Variants in EQTN observed in about 807,000 individuals in gnomAD.
EQTN encodes the protein equatorin.
In EQTN, 29 loss-of-function variants were observed where a neutral mutation model predicts 26.9. That is an observed-to-expected ratio of 1.08 (90% CI 0.80 to 1.47). The LOEUF is 1.47. EQTN is among the 40% of genes most tolerant of loss of function. The pLI is 0.00. For missense variants in EQTN, 391 were observed against 346.1 expected (o/e 1.13, Z -1.03); for synonymous variants, 129 against 120.0 (o/e 1.07, Z -0.49).
At chr9:27,293,466 A>G (rs533610974) in intron 3 of EQTN, among the ~76,000 whole-genome samples, 1 of 152,314 alleles carries the variant, frequency 6.6e-6, no homozygotes. Flanking sequence ...GAACGTCCCT[A>G]CCATGCCAGC....
At chr9:27,287,792 A>G (rs1186625657) in intron 6 of EQTN, among the ~76,000 whole-genome samples, 1 of 152,024 alleles carries the variant, frequency 6.6e-6, no homozygotes. Context: ...GGATCACTCA[A>G]TTTTCTTTTC....
At chr9:27,291,600 A>G (rs764788515) in intron 4 of EQTN, among the ~76,000 whole-genome samples, 3 of 152,210 alleles carry the variant, frequency 2.0e-5, no homozygotes, top group Non-Finnish European at 2.9e-5. Flanking sequence ...TTGTTTCGGA[A>G]TTGAATGCTT....
At chr9:27,290,607 A>G (rs1253865346) in intron 5 of EQTN, among the ~76,000 whole-genome samples, 21 of 152,256 alleles carry the variant, frequency 1.4e-4, no homozygotes, top group Admixed American at 1.4e-3. Context: ...AATACTATGT[A>G]CATCATGCTA....
chr9:27,289,825 G>C (rs1587112119), intron 5 of EQTN, 94 bp from the exon 6 acceptor site: 1 of 918,306 alleles, frequency 1.1e-6, no homozygotes, highest in Non-Finnish European at 1.7e-6. Flanking sequence ...AGTACCCAGT[G>C]TGTGTACAGT....
chr9:27,288,917 A>G (rs1233596082), intron 6 of EQTN, among the ~76,000 whole-genome samples: 2 of 152,168 alleles, frequency 1.3e-5, no homozygotes, highest in Non-Finnish European at 2.9e-5. Flanking sequence ...AAACTTTCGT[A>G]TGATACTGGG....
chr9:27,291,638 A>G (rs1408438194), intron 4 of EQTN, among the ~76,000 whole-genome samples: 1 of 152,218 alleles, frequency 6.6e-6, no homozygotes. Context: ...TTGACCTCAA[A>G]CTTAGTAGTA....
At position 27,284,912 on chromosome 9, in the gene EQTN, AAAGT is replaced by A; in HGVS notation, c.692_695del (p.Tyr231PhefsTer29). 6.2e-7 allele frequency: 1 copy of A among 1,614,164 alleles called. No homozygotes were observed. Among genetic ancestry groups the A allele is most frequent in the Non-Finnish European group, 8.5e-7 (1 of 1,180,008 alleles). On this transcript the variant is annotated frameshift_variant, in exon 8 of 8. Transcript: ENST00000380032. LOFTEE classifies it low-confidence loss of function (END_TRUNC). ...TATCTGAAACACCTTCTGATGGATG[AAAGT>A]AAGACATCGTGGCCAGCTCTGGGTT... is the stretch of plus-strand genomic sequence containing the variant.
At chr9:27,286,404 G>A in intron 6 of EQTN, 42 bp from the exon 7 acceptor site, 2 of 1,544,092 alleles carry the variant, frequency 1.3e-6, no homozygotes, top group Non-Finnish European at 1.8e-6. Flanking sequence ...GGTGTTCAGT[G>A]TGTTCTCCTG....
chr9:27,288,161 G>A (rs1255319885), intron 6 of EQTN, among the ~76,000 whole-genome samples: 7 of 152,110 alleles, frequency 4.6e-5, no homozygotes, highest in African/African-American at 1.4e-4. Context: ...GCACAAATGA[G>A]GGGACAGGTC....
At chr9:27,287,016 C>G (rs1442062480) in intron 6 of EQTN, among the ~76,000 whole-genome samples, 6 of 152,058 alleles carry the variant, frequency 3.9e-5, no homozygotes, top group Admixed American at 3.9e-4. Flanking sequence ...TATCAAGAGT[C>G]TTTTTTTAAC....
chr9:27,289,054 A>T (rs1271113052), intron 6 of EQTN, among the ~76,000 whole-genome samples: 1 of 152,236 alleles, frequency 6.6e-6, no homozygotes, highest in Non-Finnish European at 1.5e-5. Flanking sequence ...AAATTGTAAC[A>T]AAGGTACCAC....
chr9:27,295,697 T>C (rs1324032646), intron 2 of EQTN, among the ~76,000 whole-genome samples: 1 of 151,822 alleles, frequency 6.6e-6, no homozygotes, highest in African/African-American at 2.4e-5. Flanking sequence ...CCGGGCGTGG[T>C]GGCGGGCGCC....
chr9:27,290,893 A>G (rs1820220947), intron 5 of EQTN, 126 bp downstream of exon 5: 2 of 646,528 alleles, frequency 3.1e-6, no homozygotes, highest in Admixed American at 3.4e-5. Flanking sequence ...GAAGTTTGCT[A>G]TTACATGTGG....
At chr9:27,295,136 T>G (rs180712930) in intron 2 of EQTN, among the ~76,000 whole-genome samples, 1 of 152,226 alleles carries the variant, frequency 6.6e-6, no homozygotes, top group South Asian at 2.1e-4. Context: ...ATGAGAAGAA[T>G]GTACATGGGA....
chr9:27,296,759 C>G (rs2131311640), intron 1 of EQTN, 21 bp from the exon 2 acceptor site: 1 of 1,595,072 alleles, frequency 6.3e-7, no homozygotes, highest in East Asian at 2.2e-5. Context: ...GTATCACACA[C>G]CATAGATCAG....
rs1448361952 is a variant in EQTN at position 27,284,727 on chromosome 9, CG to C, written c.880del (p.Arg294GlyfsTer17). 4.4e-6 allele frequency: 7 copies of C among 1,608,696 alleles called. No homozygotes were observed. The Admixed American group carries it at 1.2e-4, about 27-fold the overall frequency. ...EMHENDESVT[R>X] ...TCACCGGGTTCCTTGATTTCTTCAC[CG>C]GGTAACCGACTCATCGTTTTCATGC... is the stretch of plus-strand genomic sequence containing the variant. On this transcript the variant is annotated frameshift_variant, in exon 8 of 8. Transcript: ENST00000380032. LOFTEE classifies it high-confidence loss of function.
At chr9:27,295,468 T>C (rs1269674093) in intron 2 of EQTN, among the ~76,000 whole-genome samples, 5 of 152,208 alleles carry the variant, frequency 3.3e-5, no homozygotes, top group Non-Finnish European at 5.9e-5. Flanking sequence ...GCTATCATCC[T>C]TGAAAAACAT....
intron 6 of EQTN, among the ~76,000 whole-genome samples, chr9:27,288,385 T>G (rs1448192590): frequency 6.6e-6 from 1 of 152,148 alleles, no homozygotes; most frequent in African/African-American, 2.4e-5. Flanking sequence ...GAAGATAGTT[T>G]GGTAGTTTCT....
At chr9:27,287,590 C>A (rs551846033) in intron 6 of EQTN, among the ~76,000 whole-genome samples, 4 of 152,296 alleles carry the variant, frequency 2.6e-5, no homozygotes, top group African/African-American at 9.6e-5. Flanking sequence ...ATAATACCAA[C>A]TTCATGGAGT....
Sources: allele counts gnomAD v4.1 joint callset (sites outside exome capture counted in the v4.1 genomes callset), GRCh38; gene constraint gnomAD v4.1.1; transcripts MANE v1.5; gene names NCBI Gene and HGNC (gene_info 2026-07-23, HGNC 2026-07-21).